IL9R: variants seen among roughly 807,000 people sequenced by gnomAD.
IL9R encodes the protein interleukin-9 receptor.
In IL9R, 54 loss-of-function variants were observed where a neutral mutation model predicts 56.3. The observed-to-expected ratio is 0.96, with a 90% CI of 0.77 to 1.20. The LOEUF (loss-of-function observed/expected upper bound fraction) is 1.20, where lower values mean the gene tolerates loss of function less well. IL9R is among the 50% of genes most tolerant of loss of function. The probability of loss-of-function intolerance (pLI) is 0.00; values close to 1 mark genes in which losing one functional copy is unlikely to be tolerated. For synonymous variants in IL9R, 212 were observed against 250.2 expected (o/e 0.85, Z 1.44); for missense variants, 545 against 629.8 (o/e 0.87, Z 1.44).
At chrX:156,003,159 G>T in intron 2 of IL9R, 140 bp downstream of exon 2, 2 of 1,013,092 alleles carry the variant, frequency 2.0e-6, no homozygotes, top group Non-Finnish European at 3.0e-6. Context: ...GGGTCAGCCT[G>T]GACCTCAGTC....
In IL9R at chrX:155,997,718, G is replaced by C. The variant is rs370519402; in HGVS notation, c.-42G>C. On this transcript the variant is annotated 5_prime_UTR_variant, in exon 1 of 9. Transcript: ENST00000244174. ...TTTGCTGTGCACCCAGAGATAGTTG[G>C]GTGACAAATCACCTCCAGGTTGGGG... The C allele has an allele frequency of 6.8e-5, 110 of 1,607,762 alleles. No individual in the cohort carries two copies. Among genetic ancestry groups the C allele is most frequent in the Non-Finnish European group, 8.9e-5 (104 of 1,174,394 alleles).
At chrX:156,006,260 A>C (rs1210081802) in intron 7 of IL9R, 72 bp downstream of exon 7, 4 of 714,962 alleles carry the variant, frequency 5.6e-6, no homozygotes, top group Non-Finnish European at 9.6e-6. Context: ...GTATGTGTGC[A>C]GATGTGTGAC....
Position 156,005,381 on chromosome X carries a change from T to C in IL9R, c.683T>C (p.Met228Thr). The C allele has an allele frequency of 1.2e-6, 2 of 1,612,986 alleles. No homozygotes were observed. Among genetic ancestry groups the C allele is most frequent in the Non-Finnish European group, 8.5e-7 (1 of 1,179,760 alleles). The part of the protein sequence containing the change: ...FIHEARLRVQ[M>T]ATLEDDVVEE... ...CATGAGGCCAGGCTGCGTGTCCAGA[T>C]GGCCACACTGGAGGATGATGTGGTA... The change falls in exon 6 of 9, where the codon ATG (methionine) becomes ACG (threonine). Residue 228 changes from methionine (M) to threonine (T), a missense_variant. Met to Thr is a moderately conservative substitution (Grantham distance 81, BLOSUM62 -1). Around this residue, in one of 2 missense-constraint regions of IL9R, gnomAD observed 431 missense variants for 360.0 expected, o/e 1.20. Coordinates refer to ENST00000244174, the MANE Select transcript of IL9R (RefSeq NM_002186.3).
intron 7 of IL9R, among the ~76,000 whole-genome samples, chrX:156,007,069 T>C (rs1222120476): frequency 1.3e-4 from 19 of 151,886 alleles, no homozygotes; most frequent in Middle Eastern, 3.4e-3. Context: ...GGGAGGTTGG[T>C]GAAGTCTATT....
chrX:155,997,920 C>G lies in IL9R; in HGVS notation c.28+133C>G, dbSNP rs2067250437. 1.1e-5 allele frequency: 9 copies of G among 834,868 alleles called. No individual in the cohort carries two copies. The East Asian group carries it at 2.2e-4, about 20-fold the overall frequency. 51.7% of individuals were successfully genotyped at this position (834,868 alleles called of 1,614,324 possible). On this transcript the variant is annotated intron_variant, in intron 1 of 8. Transcript: ENST00000244174. ...TTTGAGAGCGCCACCCTAGCTTTAC[C>G]TCCTCTGGTGTCCTGGCCTTGTGTA...
intron 7 of IL9R, among the ~76,000 whole-genome samples, chrX:156,007,047 G>T (rs3093525): frequency 1.3e-5 from 2 of 151,842 alleles, no homozygotes; most frequent in Non-Finnish European, 2.9e-5. Context: ...GGAAATGGGG[G>T]ACAGCCTTGC....
intron 8 of IL9R, among the ~76,000 whole-genome samples, chrX:156,008,922 T>C (rs1195547934): frequency 2.2e-5 from 3 of 137,688 alleles, no homozygotes; most frequent in Admixed American, 6.8e-5. Context: ...TGTGTGTGTC[T>C]GTGTGTGTGT....
At chrX:156,003,968 T>G in intron 4 of IL9R, 113 bp downstream of exon 4, 1 of 1,142,646 alleles carries the variant, frequency 8.8e-7, no homozygotes, top group Non-Finnish European at 1.3e-6. Context: ...GTGTTCTCAG[T>G]CCCAGCCGAG....
At chrX:156,009,234 T>TGTGTTTGTGTGTGTATG (rs2068273226) in intron 8 of IL9R, among the ~76,000 whole-genome samples, 2 of 1,702 alleles carry the variant, frequency 1.2e-3, no homozygotes, top group Non-Finnish European at 1.2e-3. Context: ...TCTGTGTGTG[T>TGTGTTTGTGTGTGTATG]TCGTGTGGTG....
intron 2 of IL9R, 60 bp from the exon 3 acceptor site, chrX:156,003,389 C>A: frequency 8.3e-7 from 1 of 1,202,886 alleles, no homozygotes. Flanking sequence ...CTCCCCAACC[C>A]CCGAGCTCAG....
chrX:156,007,330 A>C (rs2068043641), intron 7 of IL9R, among the ~76,000 whole-genome samples, 193 bp from the exon 8 acceptor site: 1 of 149,772 alleles, frequency 6.7e-6, no homozygotes, highest in African/African-American at 2.5e-5. Context: ...AATCAGTTCT[A>C]TGCGGCCGTT....
chrX:156,008,601 C>T (rs1354700247), intron 8 of IL9R, among the ~76,000 whole-genome samples: 1 of 152,192 alleles, frequency 6.6e-6, no homozygotes, highest in Non-Finnish European at 1.5e-5. Context: ...CGGGCACCAG[C>T]TGTTCCCTAG....
rs1455364647 is a variant in IL9R at position 155,997,755 on chromosome X, T to C, written c.-5T>C. The C allele has an allele frequency of 3.1e-6, 5 of 1,613,760 alleles. No homozygotes were observed. Among genetic ancestry groups the C allele is most frequent in the African/African-American group, 1.3e-5 (1 of 75,026 alleles). ...CCTCCAGGTTGGGGATGCCTCAGACTTGTGATGGGACTGGGCAGATGCATC... is the reference window on the plus strand; with the variant it reads ...CCTCCAGGTTGGGGATGCCTCAGACCTGTGATGGGACTGGGCAGATGCATC... On this transcript the variant is annotated 5_prime_UTR_variant, in exon 1 of 9. Coordinates refer to ENST00000244174, the MANE Select transcript of IL9R (RefSeq NM_002186.3).
chrX:156,006,253 T>C, intron 7 of IL9R, 65 bp downstream of exon 7: 1 of 707,370 alleles, frequency 1.4e-6, no homozygotes, highest in South Asian at 1.7e-5. Flanking sequence ...TGTTAGTGTA[T>C]GTGTGCAGAT....
At position 156,003,774 on chromosome X, in the gene IL9R, T is replaced by C; in HGVS notation, c.352T>C (p.Phe118Leu). The C allele has an allele frequency of 6.2e-7, 1 of 1,613,966 alleles. No homozygotes were observed. Among genetic ancestry groups the C allele is most frequent in the Non-Finnish European group, 8.5e-7 (1 of 1,179,856 alleles). ...PEAVLVPSDN[F>L]TITFHHCMSG... is the part of the protein sequence containing the mutation. ...GGCAGTGCTCGTGCCATCTGACAAT[T>C]TCACCATCACTTTCCACCACTGCAT... The change falls in exon 4 of 9, where the codon TTC (phenylalanine) becomes CTC (leucine). Residue 118 changes from phenylalanine to leucine, a missense_variant. Physicochemically the swap from Phe to Leu is conservative, Grantham distance 22. Transcript: ENST00000244174.
At chrX:156,003,999 A>C (rs1388346186) in intron 4 of IL9R, 144 bp downstream of exon 4, 1 of 905,864 alleles carries the variant, frequency 1.1e-6, no homozygotes, top group Non-Finnish European at 1.7e-6. Flanking sequence ...GGCTGGGGGC[A>C]GGCTTGGCCC....
At chrX:156,001,353 G>C in intron 1 of IL9R, 1 of 1,179,710 alleles carries the variant, frequency 8.5e-7, no homozygotes, top group Non-Finnish European at 1.3e-6. Flanking sequence ...CTCCAACCCT[G>C]CCCTCACATA....
rs376309487 is a variant in IL9R at position 156,009,802 on chromosome X, G to A, written c.973-14G>A. 3.6e-5 allele frequency: 46 copies of A among 1,266,202 alleles called. 3 individuals are homozygous for A. The highest frequency in any genetic ancestry group is 9.0e-5 in the East Asian group (2 of 22,140). 78.4% of individuals were successfully genotyped at this position (1,266,202 alleles called of 1,614,324 possible). A position where few individuals can be genotyped will look rare whatever the true frequency, so the allele number is the denominator to read the frequency against. Reference sequence around the variant, plus strand: ...GCTACCTGAGCCCTTCCCTCCTCCCGTGCTCTGTTCCAGACTTGGATGGGG... The same window carrying A: ...GCTACCTGAGCCCTTCCCTCCTCCCATGCTCTGTTCCAGACTTGGATGGGG... On this transcript the variant is annotated splice_polypyrimidine_tract_variant and intron_variant, in intron 8 of 8. Coordinates refer to ENST00000244174, the MANE Select transcript of IL9R (RefSeq NM_002186.3).
intron 1 of IL9R, 118 bp downstream of exon 1, chrX:155,997,905 C>T: frequency 1.0e-6 from 1 of 965,938 alleles, no homozygotes; most frequent in East Asian, 2.4e-5. Flanking sequence ...TTTGAGAGCG[C>T]CACCCTAGCT....
Sources: allele counts gnomAD v4.1 joint callset (sites outside exome capture counted in the v4.1 genomes callset), GRCh38; gene constraint gnomAD v4.1.1; regional missense constraint gnomAD v4.1.1; transcripts MANE v1.5; gene names NCBI Gene and HGNC (gene_info 2026-07-23, HGNC 2026-07-21).